PPM1E: variants seen among roughly 807,000 people sequenced by gnomAD.
The protein encoded by PPM1E is protein phosphatase, Mg2+/Mn2+ dependent 1E.
In PPM1E, 20 loss-of-function variants were observed where a neutral mutation model predicts 65.9. The observed-to-expected ratio is 0.30, with a 90% CI of 0.21 to 0.44. PPM1E has a LOEUF of 0.44. Among genes scored for constraint, PPM1E ranks in the 20% least tolerant of loss-of-function variants. The probability of loss-of-function intolerance (pLI) is 1.00; values close to 1 mark genes in which losing one functional copy is unlikely to be tolerated. For missense variants in PPM1E, 713 were observed against 953.1 expected (o/e 0.75, Z 3.32); for synonymous variants, 352 against 374.9 (o/e 0.94, Z 0.70).
rs368590088 is a variant in PPM1E, at chr17:58,969,694, T to C, written c.939T>C (p.Thr313=). The change falls in exon 4 of 7, where the codon ACT becomes ACC. Residue 313 remains threonine, a synonymous_variant. Coordinates refer to ENST00000308249, the MANE Select transcript of PPM1E (RefSeq NM_014906.5). ...AEALCRAFRV[T]DERFVQKAAR... ...CCCTGTGCAGGGCCTTCCGGGTCAC[T>C]GATGAGCGGTTTGTGCAGAAAGCAG... The C allele has an allele frequency of 1.3e-5, 21 of 1,614,050 alleles. No individual in the cohort carries two copies. Among genetic ancestry groups the C allele is most frequent in the Non-Finnish European group, 1.6e-5 (19 of 1,180,030 alleles).
intron 1 of PPM1E, among the ~76,000 whole-genome samples, chr17:58,773,998 C>T (rs2049966361): frequency 6.6e-6 from 1 of 151,982 alleles, no homozygotes; most frequent in African/African-American, 2.4e-5. Flanking sequence ...CCTGTCTCTA[C>T]TAAAAATACA....
intron 1 of PPM1E, among the ~76,000 whole-genome samples, chr17:58,887,953 G>T (rs2051295731): frequency 6.6e-6 from 1 of 152,196 alleles, no homozygotes; most frequent in South Asian, 2.1e-4. Flanking sequence ...GATATATTTT[G>T]AGAGAAGAAG....
Position 58,891,124 on chromosome 17 carries a change from G to A in PPM1E, c.465-64525G>A, listed in dbSNP as rs9891923. On this transcript the variant is annotated intron_variant, in intron 1 of 6. Coordinates refer to ENST00000308249, the MANE Select transcript of PPM1E (RefSeq NM_014906.5). Reference sequence around the variant, plus strand: ...TAGCTGGGATTACATGTACCACCACGCCCAGCTAATTTTGTATTTTTAGTA... The same window carrying A: ...TAGCTGGGATTACATGTACCACCACACCCAGCTAATTTTGTATTTTTAGTA... Among the ~76,000 whole-genome samples the A allele has an allele frequency of 1.1e-3, 163 of 151,882 alleles. 1 individual carries two copies. The highest frequency in any genetic ancestry group is 3.6e-3 in the African/African-American group (150 of 41,414).
At chr17:58,881,524 G>A (rs1228906345) in intron 1 of PPM1E, among the ~76,000 whole-genome samples, 3 of 152,064 alleles carry the variant, frequency 2.0e-5, no homozygotes, top group Admixed American at 6.6e-5. Context: ...TTAGCCGGGT[G>A]TGGTGGCGAG....
intron 1 of PPM1E, chr17:58,951,357 G>C (rs1297358692): frequency 6.6e-6 from 1 of 152,230 alleles, no homozygotes; most frequent in Non-Finnish European, 1.5e-5. Flanking sequence ...AGGTTGCTTA[G>C]GGAGGGATGA....
In PPM1E at chr17:58,981,623, G is replaced by A. The variant is rs1174842167; in HGVS notation, c.*592G>A. On this transcript the variant is annotated 3_prime_UTR_variant, in exon 7 of 7. Transcript: ENST00000308249. ...AAGTGTCATATTCTCAGACTTGTGA[G>A]GCGGTTTATAGTCAGAAAGATTTAC... 1.3e-5 allele frequency: 2 copies of A among 152,598 alleles called. No individual in the cohort carries two copies. The highest frequency in any genetic ancestry group is 2.9e-5 in the Non-Finnish European group (2 of 68,050). The allele number at this position is 152,598 out of a possible 1,614,324, so 9.5% of individuals were successfully genotyped here. A position where few individuals can be genotyped will look rare whatever the true frequency, so the allele number is the denominator to read the frequency against.
At chr17:58,772,449 C>T (rs2049948975) in intron 1 of PPM1E, among the ~76,000 whole-genome samples, 20 of 149,432 alleles carry the variant, frequency 1.3e-4, no homozygotes. Flanking sequence ...AGCAAGACTC[C>T]ATCTAAAAAA....
intron 1 of PPM1E, among the ~76,000 whole-genome samples, chr17:58,798,091 C>T (rs1216510277): frequency 1.3e-5 from 2 of 152,056 alleles, no homozygotes; most frequent in East Asian, 3.8e-4. Flanking sequence ...GTAAAGTGTC[C>T]AGTTATTTTG....
At chr17:58,842,788 A>G (rs1448661445) in intron 1 of PPM1E, among the ~76,000 whole-genome samples, 2 of 152,058 alleles carry the variant, frequency 1.3e-5, no homozygotes, top group Non-Finnish European at 2.9e-5. Context: ...AAAATACAAA[A>G]TTAGCCAGGT....
At position 58,755,879 on chromosome 17, in the gene PPM1E, G is replaced by T. The variant is rs2144112215; in HGVS notation, c.-119G>T. 6.6e-7 allele frequency: 1 copy of T among 1,506,722 alleles called. No homozygotes were observed. The highest frequency in any genetic ancestry group is 2.3e-5 in the East Asian group (1 of 42,690). 93.3% of individuals were successfully genotyped at this position (1,506,722 alleles called of 1,614,324 possible). ...CTCTCCAGGCAACCTAGTGCTGATC[G>T]CTCGTGCCGGTGCGGCCGTTAACCG... On this transcript the variant is annotated 5_prime_UTR_variant, in exon 1 of 7. Coordinates refer to ENST00000308249, the MANE Select transcript of PPM1E (RefSeq NM_014906.5).
intron 1 of PPM1E, among the ~76,000 whole-genome samples, chr17:58,856,731 A>G (rs1264663949): frequency 1.3e-5 from 2 of 152,196 alleles, no homozygotes; most frequent in African/African-American, 4.8e-5. Flanking sequence ...GGGAAAAGAT[A>G]TCCATTTATA....
At chr17:58,758,060 T>C (rs1287620680) in intron 1 of PPM1E, among the ~76,000 whole-genome samples, 1 of 152,244 alleles carries the variant, frequency 6.6e-6, no homozygotes, top group Non-Finnish European at 1.5e-5. Context: ...AGACTGGCTC[T>C]ATCTTGACAG....
chr17:58,958,204 TTTTA>T (rs1389266256), intron 2 of PPM1E, among the ~76,000 whole-genome samples: 3 of 151,598 alleles, frequency 2.0e-5, no homozygotes, highest in Admixed American at 6.6e-5. Context: ...TTATTTTTAT[TTTTA>T]TTTATTTTTT....
chr17:58,934,424 A>G (rs2051948966), intron 1 of PPM1E, among the ~76,000 whole-genome samples: 1 of 152,180 alleles, frequency 6.6e-6, no homozygotes, highest in Non-Finnish European at 1.5e-5. Flanking sequence ...TTGTAAATAT[A>G]TTTATTTTCT....
chr17:58,852,135 A>T (rs2050832647), intron 1 of PPM1E, among the ~76,000 whole-genome samples: 1 of 152,186 alleles, frequency 6.6e-6, no homozygotes, highest in Non-Finnish European at 1.5e-5. Context: ...GGAAAAGTGC[A>T]GTATTAGGGT....
Position 58,967,517 on chromosome 17 carries a change from T to TAGAG in PPM1E, c.783+1625_783+1626insGAGA, listed in dbSNP as rs1234465821. Among the ~76,000 whole-genome samples the TAGAG allele has an allele frequency of 6.5e-3, 978 of 149,436 alleles. 9 individuals are homozygous for TAGAG. Among genetic ancestry groups the TAGAG allele is most frequent in the African/African-American group, 0.023 (909 of 40,372 alleles). On this transcript the variant is annotated intron_variant, in intron 3 of 6. Transcript: ENST00000308249. The stretch of plus-strand genomic sequence containing the variant: ...TTATATATATGTGTATATATATATA[T>TAGAG]ATAGAGAGAGAGAGAGAGAGAGAGG...
At chr17:58,765,991 C>T (rs543066871) in intron 1 of PPM1E, among the ~76,000 whole-genome samples, 2 of 149,456 alleles carry the variant, frequency 1.3e-5, no homozygotes, top group Non-Finnish European at 3.0e-5. Flanking sequence ...AGCGATTCTC[C>T]TGCCTTAGCC....
At chr17:58,824,604 T>C (rs2050513583) in intron 1 of PPM1E, among the ~76,000 whole-genome samples, 2 of 151,736 alleles carry the variant, frequency 1.3e-5, no homozygotes, top group Admixed American at 6.6e-5. Flanking sequence ...GTTTTTTTTT[T>C]TTTGAGACGG....
intron 1 of PPM1E, among the ~76,000 whole-genome samples, chr17:58,768,065 C>T (rs1450377317): frequency 6.6e-6 from 1 of 152,110 alleles, no homozygotes; most frequent in African/African-American, 2.4e-5. Flanking sequence ...ATTCTCCTGC[C>T]TCATCCTCCC....
Sources: allele counts gnomAD v4.1 joint callset (sites outside exome capture counted in the v4.1 genomes callset), GRCh38; gene constraint gnomAD v4.1.1; transcripts MANE v1.5; gene names NCBI Gene and HGNC (gene_info 2026-07-23, HGNC 2026-07-21).